Variants in ERG observed in about 807,000 individuals in gnomAD.
The protein encoded by ERG is ETS transcription factor ERG.
ERG carries 9 observed loss-of-function variants against 55.3 expected under a neutral mutation model. The observed-to-expected ratio is 0.16, with a 90% confidence interval of 0.10 to 0.28. The LOEUF (loss-of-function observed/expected upper bound fraction) is 0.28, where lower values mean the gene tolerates loss of function less well. ERG is among the 10% of genes least tolerant of loss of function. The pLI, the probability that ERG is intolerant of heterozygous loss-of-function variation, is 1.00. For synonymous variants in ERG, 223 were observed against 237.3 expected (o/e 0.94, Z 0.55); for missense variants, 434 against 631.6 (o/e 0.69, Z 3.35).
At chr21:38,482,557 C>T (rs140678842) in intron 1 of ERG, among the ~76,000 whole-genome samples, 26 of 152,024 alleles carry the variant, frequency 1.7e-4, no homozygotes, top group Non-Finnish European at 2.8e-4. Context: ...TAAAGATACC[C>T]GCAGTGCCAT....
In ERG at chr21:38,380,383, G is replaced by A. The variant is rs911353158; in HGVS notation, c.*3020C>T. 8 of 1,061,274 alleles carry A rather than the reference G, an allele frequency of 7.5e-6. No homozygotes were observed. In the Admixed American group the frequency reaches 2.1e-4, roughly 28 times the overall value. The allele number at this position is 1,061,274 out of a possible 1,614,324, so 65.7% of individuals were successfully genotyped here. ...GACAAAGCACTTTGTGAACCCCTCC[G>A]GGACATAAGGGCATCAAACTAGGAA... On this transcript the variant is annotated 3_prime_UTR_variant, in exon 10 of 10. Coordinates refer to ENST00000288319, the MANE Select transcript of ERG (RefSeq NM_182918.4).
intron 1 of ERG, among the ~76,000 whole-genome samples, chr21:38,495,196 A>C (rs1321290368): frequency 6.6e-6 from 1 of 152,248 alleles, no homozygotes; most frequent in Non-Finnish European, 1.5e-5. Context: ...AGTCTTAATT[A>C]AGTTTCCCTC....
At chr21:38,564,392 T>C (rs947870879) in intron 2 of ERG, among the ~76,000 whole-genome samples, 2 of 152,232 alleles carry the variant, frequency 1.3e-5, no homozygotes, top group Admixed American at 6.5e-5. Flanking sequence ...TCATGGGGTG[T>C]TGGAAAAGGA....
At chr21:38,594,633 A>T (rs901610182) in intron 1 of ERG, among the ~76,000 whole-genome samples, 1 of 152,204 alleles carries the variant, frequency 6.6e-6, no homozygotes, top group African/African-American at 2.4e-5. Flanking sequence ...AGTAAGAAGA[A>T]CTGGAATCAT....
chr21:38,572,943 T>C (rs184203606), intron 2 of ERG, among the ~76,000 whole-genome samples: 258 of 152,372 alleles, frequency 1.7e-3, no homozygotes, highest in South Asian at 3.1e-3. Context: ...AAAAGACCTG[T>C]ACTTTAAACA....
chr21:38,395,777 C>G (rs1001348996), intron 6 of ERG, among the ~76,000 whole-genome samples: 1 of 152,186 alleles, frequency 6.6e-6, no homozygotes, highest in African/African-American at 2.4e-5. Flanking sequence ...AATGAGACTC[C>G]TCCTCCACCA....
intron 1 of ERG, among the ~76,000 whole-genome samples, chr21:38,599,777 A>G (rs1246390168): frequency 6.6e-6 from 1 of 152,244 alleles, no homozygotes; most frequent in Non-Finnish European, 1.5e-5. Context: ...CTGGTGCCTG[A>G]GGAGACTCGG....
rs1474324090 is a variant in ERG, at chr21:38,625,783, A to C, written c.-150+35875T>G. Among the ~76,000 whole-genome samples the C allele has an allele frequency of 2.0e-5, 3 of 152,256 alleles. No individual in the cohort carries two copies. In the East Asian group the frequency reaches 5.8e-4, roughly 29 times the overall value. ...ACACCAGCTTTTTTATTGAAGGCAA[A>C]GCATTCTCAATTACTTAGATACTTA... On this transcript the variant is annotated intron_variant, in intron 1 of 10. Transcript: ENST00000398910.
intron 1 of ERG, among the ~76,000 whole-genome samples, chr21:38,469,002 G>GAAAAAAAAAAAA (rs796522125): frequency 1.6e-5 from 1 of 62,098 alleles, no homozygotes; most frequent in East Asian, 3.2e-4. Flanking sequence ...AAAAAAAAAA[G>GAAAAAAAAAAAA]AAAAAAAAAA....
intron 1 of ERG, among the ~76,000 whole-genome samples, chr21:38,483,755 C>T (rs1044535801): frequency 2.6e-5 from 4 of 152,004 alleles, no homozygotes; most frequent in East Asian, 3.9e-4. Flanking sequence ...CCCAGCTACT[C>T]GGGAGGCTGA....
intron 3 of ERG, among the ~76,000 whole-genome samples, chr21:38,417,372 G>T (rs945456727): frequency 2.1e-4 from 32 of 152,178 alleles, no homozygotes; most frequent in Non-Finnish European, 1.0e-4. Context: ...GAAGAATGTG[G>T]CTACTCTTAT....
Position 38,577,827 on chromosome 21 carries a change from C to A in ERG, c.-126-2080G>T, listed in dbSNP as rs188435302. ...GACATTCTCTCTGGACTAGTTCACTCCGCACAGTTCCTCCCTGCCTGCACA... is the reference window on the plus strand; with the variant it reads ...GACATTCTCTCTGGACTAGTTCACTACGCACAGTTCCTCCCTGCCTGCACA... On this transcript the variant is annotated intron_variant, in intron 1 of 8. Coordinates refer to the ERG transcript ENST00000398897. Among the ~76,000 whole-genome samples, 411 of 152,310 alleles carry A rather than the reference C, an allele frequency of 2.7e-3. 4 individuals are homozygous for A. Among genetic ancestry groups the A allele is most frequent in the African/African-American group, 9.1e-3 (380 of 41,570 alleles).
chr21:38,535,150 G>A (rs558169245), intron 2 of ERG, among the ~76,000 whole-genome samples: 9 of 152,080 alleles, frequency 5.9e-5, no homozygotes, highest in Non-Finnish European at 8.8e-5. Flanking sequence ...GAATCTTAAG[G>A]ACATTATGCT....
At chr21:38,369,101 G>A in the ERG span, among the ~76,000 whole-genome samples, 1 of 152,296 alleles carries the variant, frequency 6.6e-6, no homozygotes, top group African/African-American at 2.4e-5. Context: ...CTTTATAATA[G>A]AATGTTTTAT....
chr21:38,449,520 T>C (rs1158029181), intron 1 of ERG, among the ~76,000 whole-genome samples: 1 of 152,222 alleles, frequency 6.6e-6, no homozygotes, highest in African/African-American at 2.4e-5. Context: ...CCAGGTTATA[T>C]TTCATATTAT....
chr21:38,639,716 T>C (rs773684527), intron 1 of ERG, among the ~76,000 whole-genome samples: 23 of 152,348 alleles, frequency 1.5e-4, no homozygotes, highest in Admixed American at 1.5e-3. Context: ...CCCAAGCTTC[T>C]TGATAACAAC....
chr21:38,585,532 CTTTTTTTTTTTTTTTT>C (rs760791568), upstream of ERG, among the ~76,000 whole-genome samples: 1 of 59,270 alleles, frequency 1.7e-5, no homozygotes, highest in African/African-American at 5.6e-5. Context: ...TCTCTCTCTT[CTTTTTTTTTTTTTTTT>C]TTTTTTTTTT....
intron 2 of ERG, among the ~76,000 whole-genome samples, chr21:38,430,886 G>T (rs1413574990): frequency 6.6e-6 from 1 of 152,102 alleles, no homozygotes; most frequent in African/African-American, 2.4e-5. Flanking sequence ...CTTTTCCATG[G>T]CATTTGGTCA....
At chr21:38,608,719 T>A (rs2060209706) in intron 1 of ERG, among the ~76,000 whole-genome samples, 1 of 152,052 alleles carries the variant, frequency 6.6e-6, no homozygotes, top group Admixed American at 6.5e-5. Context: ...TCACCCTCTA[T>A]GCACCCCACA....
Sources: gnomAD v4.1 joint callset for allele counts (sites outside exome capture counted in the v4.1 genomes callset) on GRCh38, gnomAD v4.1.1 for gene constraint, MANE v1.5 for transcripts, NCBI Gene and HGNC (gene_info 2026-07-23, HGNC 2026-07-21) for gene names.